Variants in CFAP263 observed in about 807,000 individuals in gnomAD.
CFAP263 encodes the protein cilia and flagella associated protein 263.
the CFAP263 span, among the ~76,000 whole-genome samples, chr16:58,270,089 G>A: frequency 6.6e-6 from 1 of 152,150 alleles, no homozygotes; most frequent in African/African-American, 2.4e-5. Context: ...ATGACATGGA[G>A]CATCTTTTCA....
chr16:58,250,291 T>C, the CFAP263 span: 3 of 530,432 alleles, frequency 5.7e-6, no homozygotes, highest in South Asian at 4.7e-5. Flanking sequence ...TTGGTGGAGC[T>C]AGAACGGGGT....
At chr16:58,263,863 C>T in the CFAP263 span, among the ~76,000 whole-genome samples, 6 of 152,144 alleles carry the variant, frequency 3.9e-5, no homozygotes, top group Non-Finnish European at 1.5e-5. Flanking sequence ...CCTGTAATCT[C>T]GGCTACTTGG....
chr16:58,267,460 C>G, the CFAP263 span: 1 of 1,541,930 alleles, frequency 6.5e-7, no homozygotes, highest in African/African-American at 1.4e-5. Flanking sequence ...TCAAGACTTG[C>G]TGTGTTGTTA....
chr16:58,255,572 CT>C, the CFAP263 span, among the ~76,000 whole-genome samples: 538 of 140,778 alleles, frequency 3.8e-3, no homozygotes, highest in Middle Eastern at 7.5e-3. Flanking sequence ...GCATTTCTTT[CT>C]TTTTTTTTTT....
At chr16:58,278,522 A>C in the CFAP263 span, 1 of 1,614,210 alleles carries the variant, frequency 6.2e-7, no homozygotes, top group Non-Finnish European at 8.5e-7. Flanking sequence ...AGGCTCCGGA[A>C]GCAGCTGGCC....
the CFAP263 span, among the ~76,000 whole-genome samples, chr16:58,272,278 AG>A: frequency 0.14 from 21,652 of 151,914 alleles, 1,619 homozygotes; most frequent in East Asian, 0.2. Context: ...AGCCTCCCAA[AG>A]TGCTGGGATT....
the CFAP263 span, chr16:58,252,788 G>C: frequency 1.2e-6 from 2 of 1,613,410 alleles, no homozygotes; most frequent in African/African-American, 2.7e-5. Flanking sequence ...CGCTAAACTG[G>C]AGCCCAGGGA....
the CFAP263 span, chr16:58,259,949 TTC>T: frequency 4.1e-4 from 625 of 1,535,232 alleles, no homozygotes; most frequent in East Asian, 1.1e-3. Context: ...GTGGTCCTTT[TTC>T]TCTCTCTCTC....
the CFAP263 span, chr16:58,250,021 G>C: frequency 6.3e-7 from 1 of 1,590,248 alleles, no homozygotes; most frequent in Non-Finnish European, 8.6e-7. Context: ...AGTGATGACT[G>C]ATGATGAGTC....
chr16:58,255,794 A>T, the CFAP263 span, among the ~76,000 whole-genome samples: 9 of 151,940 alleles, frequency 5.9e-5, no homozygotes, highest in East Asian at 1.4e-3. Flanking sequence ...CGATCTCCTG[A>T]CCTTGTGATC....
chr16:58,259,310 C>G, the CFAP263 span, among the ~76,000 whole-genome samples: 1 of 152,142 alleles, frequency 6.6e-6, no homozygotes, highest in African/African-American at 2.4e-5. Context: ...CTCCAACAGT[C>G]CACCCACCTT....
At chr16:58,254,730 T>TA in the CFAP263 span, among the ~76,000 whole-genome samples, 1 of 151,736 alleles carries the variant, frequency 6.6e-6, no homozygotes, top group Non-Finnish European at 1.5e-5. Context: ...TCAGCCTCCC[T>TA]AGTAGCTGGT....
chr16:58,265,572 A>G, the CFAP263 span, among the ~76,000 whole-genome samples: 1 of 137,606 alleles, frequency 7.3e-6, no homozygotes, highest in African/African-American at 3.0e-5. Context: ...GAGGACCCTG[A>G]GCCCTTGACA....
the CFAP263 span, among the ~76,000 whole-genome samples, chr16:58,271,080 A>G: frequency 1.1e-4 from 17 of 152,172 alleles, no homozygotes; most frequent in Non-Finnish European, 2.5e-4. Flanking sequence ...ACTGTCTTTT[A>G]TAATTACCTA....
chr16:58,256,636 C>T, the CFAP263 span, among the ~76,000 whole-genome samples: 17 of 152,136 alleles, frequency 1.1e-4, no homozygotes, highest in Non-Finnish European at 2.5e-4. Context: ...CTGGACCCCA[C>T]TGAGGATACT....
At chr16:58,262,565 G>A in the CFAP263 span, 4 of 1,577,788 alleles carry the variant, frequency 2.5e-6, no homozygotes, top group East Asian at 9.1e-5. Context: ...GATACCCAGG[G>A]CTCCCCCAAG....
chr16:58,280,335 G>T, the CFAP263 span: 4 of 1,613,990 alleles, frequency 2.5e-6, no homozygotes, highest in Non-Finnish European at 3.4e-6. Context: ...CCTCCCCACC[G>T]TAATAGTCAT....
At chr16:58,269,832 G>T in the CFAP263 span, among the ~76,000 whole-genome samples, 1 of 152,086 alleles carries the variant, frequency 6.6e-6, no homozygotes, top group Admixed American at 6.6e-5. Context: ...TTCCCTTGAC[G>T]TGTTTTCTTT....
At chr16:58,253,789 T>G in the CFAP263 span, among the ~76,000 whole-genome samples, 1 of 152,192 alleles carries the variant, frequency 6.6e-6, no homozygotes, top group Non-Finnish European at 1.5e-5. Context: ...CATAGGCCTT[T>G]GAAGTATTTA....
Sources: gnomAD v4.1 joint callset for allele counts (sites outside exome capture counted in the v4.1 genomes callset) on GRCh38, gnomAD v4.1.1 for gene constraint, MANE v1.5 for transcripts, NCBI Gene and HGNC (gene_info 2026-07-23, HGNC 2026-07-21) for gene names.